The following DNAH17 variants were observed in gnomAD, a reference collection of about 807,000 sequenced individuals.
DNAH17 encodes dynein axonemal heavy chain 17, also known as axonemal beta dynein heavy chain 17.
Under a neutral mutation model 485.6 loss-of-function variants are expected in DNAH17, and 376 were observed. That is an observed-to-expected ratio of 0.77 (90% CI 0.71 to 0.84). The LOEUF is 0.84. DNAH17 is among the 40% of genes least tolerant of loss of function. The pLI is 0.00. For missense variants in DNAH17, 6,370 were observed against 5,839.3 expected, an observed-to-expected ratio of 1.09 and a Z score of -2.96; for synonymous variants, 3,031 against 2,405.9, an observed-to-expected ratio of 1.26 and a Z score of -7.60.
chr17:78,525,916 G>A (rs1195699731), intron 24 of DNAH17, among the ~76,000 whole-genome samples: 5 of 152,274 alleles, frequency 3.3e-5, no homozygotes, highest in African/African-American at 1.2e-4. Flanking sequence ...GAGGGGAAGA[G>A]TGAGGCAACC....
Position 78,561,942 on chromosome 17 carries a change from CAG to C in DNAH17, c.1606_1607del (p.Leu536AspfsTer17), listed in dbSNP as rs764008829. 7 of 1,612,514 alleles carry C rather than the reference CAG, an allele frequency of 4.3e-6. No individual in the cohort carries two copies. Among genetic ancestry groups the C allele is most frequent in the Admixed American group, 3.3e-5 (2 of 59,932 alleles). ...ACCTGGGCGCCACCTCGGCAAGAAT[CAG>C]GGGCCGCTCCATGAGGCCCCCACAC... ...YMCGGLMERP[L>X]ILAEVAPRYS... On this transcript the variant is annotated frameshift_variant, in exon 12 of 81. Transcript: ENST00000389840. LOFTEE classifies it high-confidence loss of function.
intron 19 of DNAH17, among the ~76,000 whole-genome samples, chr17:78,535,824 G>C (rs2091359457): frequency 6.6e-6 from 1 of 152,044 alleles, no homozygotes; most frequent in African/African-American, 2.4e-5. Context: ...TCCATCCTTG[G>C]CTCATTGTGA....
At position 78,468,630 on chromosome 17, in the gene DNAH17, C is replaced by A. The variant is rs373886366; in HGVS notation, c.8765G>T (p.Arg2922Leu). 2.5e-6 allele frequency: 4 copies of A among 1,613,182 alleles called. No homozygotes were observed. The highest frequency in any genetic ancestry group is 2.5e-6 in the Non-Finnish European group (3 of 1,179,484). ...TCWKFFIEKV[R>L]RQLKVILCFS... Reference sequence around the variant, plus strand: ...CGGGAGCCCCACCTTGAGCTGTCTGCGCACTTTTTCGATGAAGAACTTCCA... The same window carrying A: ...CGGGAGCCCCACCTTGAGCTGTCTGAGCACTTTTTCGATGAAGAACTTCCA... The change falls in exon 55 of 81, where the codon CGC (arginine) becomes CTC (leucine). Residue 2922 changes from arginine to leucine, a missense_variant. Physicochemically the swap from Arg to Leu is moderately radical, Grantham distance 102 (BLOSUM62 -2). Transcript: ENST00000389840.
rs749951856 is a variant in DNAH17, at chr17:78,451,538, C to A, written c.10665G>T (p.Arg3555Ser). 6.2e-7 allele frequency: 1 copy of A among 1,613,712 alleles called. No homozygotes were observed. The highest frequency in any genetic ancestry group is 1.1e-5 in the South Asian group (1 of 91,090). The stretch of plus-strand genomic sequence containing the variant: ...CCAAGAGTTGGTCCTCGAGTCCATC[C>A]CTGGTGACCAGGAAGTTGATGAGGG... ...QCTLINFLVT[R>S]DGLEDQLLAA... Residue 3555 changes from arginine to serine, a missense_variant, in exon 66 of 81, where the codon AGG becomes AGT. Coordinates refer to ENST00000389840, the MANE Select transcript of DNAH17 (RefSeq NM_173628.4).
intron 47 of DNAH17, 21 bp downstream of exon 47, chr17:78,485,529 G>T: frequency 6.4e-7 from 1 of 1,558,210 alleles, no homozygotes; most frequent in South Asian, 1.2e-5. Flanking sequence ...GGTAGGCAGG[G>T]CGTGGCCGGA....
chr17:78,506,515 G>A (rs145234244), intron 30 of DNAH17, among the ~76,000 whole-genome samples: 1 of 152,322 alleles, frequency 6.6e-6, no homozygotes, highest in Non-Finnish European at 1.5e-5. Flanking sequence ...CAGGCCAAGT[G>A]CAGAGCAGGA....
At chr17:78,492,554 C>T (rs1047546749) in intron 42 of DNAH17, 79 bp downstream of exon 42, 11 of 1,566,558 alleles carry the variant, frequency 7.0e-6, no homozygotes, top group East Asian at 6.9e-5. Context: ...TGGCCTTCCA[C>T]GTGGGAACGG....
At chr17:78,514,633 GTGCACGAAGCCAGCCC>G in intron 26 of DNAH17, 125 bp downstream of exon 26, 1 of 1,171,214 alleles carries the variant, frequency 8.5e-7, no homozygotes, top group Non-Finnish European at 1.2e-6. Flanking sequence ...CAGGTCACTT[GTGCACGAAGCCAGCCC>G]TGCCCACATT....
intron 44 of DNAH17, among the ~76,000 whole-genome samples, chr17:78,487,560 G>A (rs1779314592): frequency 6.6e-6 from 1 of 152,086 alleles, no homozygotes; most frequent in Admixed American, 6.6e-5. Context: ...CTTCTGAGAT[G>A]GAGTCTTGCT....
intron 74 of DNAH17, among the ~76,000 whole-genome samples, chr17:78,435,582 G>T (rs746156273): frequency 1.3e-5 from 2 of 152,192 alleles, no homozygotes; most frequent in Admixed American, 6.5e-5. Context: ...TCAGTGCCCC[G>T]ATCCCTGTCT....
chr17:78,475,254 G>A (rs2088960210), intron 54 of DNAH17, 24 bp downstream of exon 54: 1 of 1,609,966 alleles, frequency 6.2e-7, no homozygotes, highest in Middle Eastern at 1.7e-4. Context: ...CTGAAAGGCA[G>A]CCTATTGAAC....
At chr17:78,530,067 C>G (rs1245971103) in intron 21 of DNAH17, among the ~76,000 whole-genome samples, 2 of 152,238 alleles carry the variant, frequency 1.3e-5, no homozygotes, top group Non-Finnish European at 2.9e-5. Flanking sequence ...TGTTCAGCGC[C>G]AGCCTTCCCT....
At chr17:78,564,504 T>C (rs9916731) in intron 11 of DNAH17, among the ~76,000 whole-genome samples, 4,055 of 152,146 alleles carry the variant, frequency 0.027, 186 homozygotes, top group African/African-American at 0.092. Context: ...ATCTTTAATT[T>C]TGGAGACCCA....
intron 26 of DNAH17, among the ~76,000 whole-genome samples, chr17:78,514,130 G>C (rs187074553): frequency 1.7e-4 from 26 of 152,252 alleles, no homozygotes; most frequent in African/African-American, 6.0e-4. Flanking sequence ...TGAGCCTTAT[G>C]AACATGCAAC....
Position 78,479,099 on chromosome 17 carries a change from T to A in DNAH17, c.7918A>T (p.Thr2640Ser). 4 of 1,613,974 alleles carry A rather than the reference T, an allele frequency of 2.5e-6. No individual in the cohort carries two copies. Among genetic ancestry groups the A allele is most frequent in the Non-Finnish European group, 3.4e-6 (4 of 1,179,880 alleles). ...ATGGCCGTGGGAAGAAATGTTGCCG[T>A]GATTTTCTGATGCAAAGCTGTTAGA... ...AAALALHQKI[T>S]ATFLPTAIKF... The change falls in exon 51 of 81, where the codon ACG becomes TCG. Residue 2640 changes from threonine to serine, a missense_variant. Transcript: ENST00000389840.
intron 56 of DNAH17, among the ~76,000 whole-genome samples, chr17:78,464,282 T>C (rs1464777660): frequency 6.6e-6 from 1 of 152,198 alleles, no homozygotes; most frequent in Non-Finnish European, 1.5e-5. Flanking sequence ...TTTTTTGAGA[T>C]GGAGTCTTGC....
At chr17:78,543,507 G>C (rs575504703) in intron 17 of DNAH17, among the ~76,000 whole-genome samples, 56 of 151,076 alleles carry the variant, frequency 3.7e-4, no homozygotes, top group African/African-American at 1.3e-3. Context: ...AGCCAGGATG[G>C]TCTCGATCTC....
intron 25 of DNAH17, among the ~76,000 whole-genome samples, chr17:78,519,789 T>C (rs995066323): frequency 6.6e-5 from 10 of 152,142 alleles, no homozygotes; most frequent in Non-Finnish European, 1.5e-4. Flanking sequence ...GTATGGCCAT[T>C]AAAGAAATTG....
At chr17:78,541,665 T>A (rs2143453570) in intron 17 of DNAH17, among the ~76,000 whole-genome samples, 1 of 152,124 alleles carries the variant, frequency 6.6e-6, no homozygotes, top group East Asian at 1.9e-4. Flanking sequence ...GCTTGTTGCC[T>A]CTGCCCCTCT....
Sources: gnomAD v4.1 joint callset for allele counts (sites outside exome capture counted in the v4.1 genomes callset) on GRCh38, gnomAD v4.1.1 for gene constraint, MANE v1.5 for transcripts, NCBI Gene and HGNC (gene_info 2026-07-23, HGNC 2026-07-21) for gene names.